Variants in WNT10A observed in about 807,000 individuals in gnomAD.
WNT10A encodes the protein protein Wnt-10a.
Under a neutral mutation model 36.1 loss-of-function variants are expected in WNT10A, and 37 were observed. The ratio of observed to expected loss-of-function variants is 1.02; its 90% CI spans 0.79 to 1.35. The LOEUF is 1.35. Among genes scored for constraint, WNT10A ranks in the 40% most tolerant of loss-of-function variants. WNT10A has a pLI of 0.00. For synonymous variants in WNT10A, 255 were observed against 254.1 expected (o/e 1.00, Z -0.03); for missense variants, 613 against 601.4 (o/e 1.02, Z -0.20).
chr2:218,882,902 C>T (rs1160791080), intron 2 of WNT10A, among the ~76,000 whole-genome samples: 1 of 152,178 alleles, frequency 6.6e-6, no homozygotes, highest in African/African-American at 2.4e-5. Flanking sequence ...AAGCTCTTCC[C>T]GGCGGGGGAC....
rs1944503212 is a variant in WNT10A, at chr2:218,880,860, C to T, written c.-136C>T. 3 of 1,109,256 alleles carry T rather than the reference C, an allele frequency of 2.7e-6. No individual in the cohort carries two copies. Among genetic ancestry groups the T allele is most frequent in the Admixed American group, 7.0e-5 (2 of 28,628 alleles). 68.7% of individuals were successfully genotyped at this position (1,109,256 alleles called of 1,614,324 possible). The stretch of plus-strand genomic sequence containing the variant: ...GCGGGGAGGCGGGCGCCGTCTGCTC[C>T]GGGAGCCCTGACCCGAGTCGGAGCT... On this transcript the variant is annotated 5_prime_UTR_variant, in exon 1 of 4. Coordinates refer to ENST00000258411, the MANE Select transcript of WNT10A (RefSeq NM_025216.3). This position sits in a 1 kb window ranked among gnomAD's most constrained non-coding sequence, Gnocchi z 7.7.
upstream of WNT10A, chr2:218,880,546 C>G (rs1271298935): frequency 5.6e-6 from 1 of 178,794 alleles, no homozygotes; most frequent in African/African-American, 2.4e-5. The surrounding 1 kb of genome is among the most constrained non-coding windows in gnomAD (Gnocchi z 7.7). Context: ...GTCACTTACT[C>G]TACAGGCAGT....
At chr2:218,879,146 A>G (rs1944480933), upstream of WNT10A, among the ~76,000 whole-genome samples, 1 of 137,576 alleles carries the variant, frequency 7.3e-6, no homozygotes, top group Non-Finnish European at 1.5e-5. Context: ...GCCGGCAGAG[A>G]TGAGGGGGAA....
intron 1 of WNT10A, 24 bp downstream of exon 1, chr2:218,881,132 C>T: frequency 6.4e-7 from 1 of 1,571,822 alleles, no homozygotes; most frequent in East Asian, 2.3e-5. Flanking sequence ...TCATGCTCCG[C>T]CCTCCTAGAG....
chr2:218,888,976 A>C (rs1326114589), intron 2 of WNT10A, among the ~76,000 whole-genome samples: 1 of 152,156 alleles, frequency 6.6e-6, no homozygotes, highest in Non-Finnish European at 1.5e-5. Flanking sequence ...GTTTGGTTAC[A>C]TGAATAAGTT....
At chr2:218,889,492 A>G (rs1944619760) in intron 2 of WNT10A, among the ~76,000 whole-genome samples, 1 of 152,164 alleles carries the variant, frequency 6.6e-6, no homozygotes, top group Admixed American at 6.5e-5. Context: ...TCTTTGAGGA[A>G]TCTCCACACT....
At position 218,890,134 on chromosome 2, in the gene WNT10A, G is replaced by T; in HGVS notation, c.527G>T (p.Arg176Leu). 1 of 1,614,162 alleles carries T rather than the reference G, an allele frequency of 6.2e-7. No individual in the cohort carries two copies. Among genetic ancestry groups the T allele is most frequent in the South Asian group, 1.1e-5 (1 of 91,080 alleles). Reference sequence around the variant, plus strand: ...GAGGCCTTCCGTAGGAAGCTGCACCGCTTACAACTGGATGCACTGCAGCGT... The same window carrying T: ...GAGGCCTTCCGTAGGAAGCTGCACCTCTTACAACTGGATGCACTGCAGCGT... ...DEEAFRRKLH[R>L]LQLDALQRGK... Residue 176 changes from arginine (R) to leucine (L), a missense_variant, in exon 3 of 4, where the codon CGC (arginine) becomes CTC (leucine). Physicochemically the swap from Arg to Leu is moderately radical, Grantham distance 102. Coordinates refer to ENST00000258411, the MANE Select transcript of WNT10A (RefSeq NM_025216.3).
intron 2 of WNT10A, among the ~76,000 whole-genome samples, chr2:218,886,133 A>G (rs1944574148): frequency 6.6e-6 from 1 of 152,096 alleles, no homozygotes; most frequent in Admixed American, 6.5e-5. Context: ...GGCCAACACT[A>G]AGTCCCGCTG....
At chr2:218,888,873 C>CT (rs1944613252) in intron 2 of WNT10A, among the ~76,000 whole-genome samples, 2 of 152,150 alleles carry the variant, frequency 1.3e-5, no homozygotes, top group African/African-American at 2.4e-5. Context: ...AATTTATTCT[C>CT]TTTTTTTCCA....
chr2:218,878,846 C>T (rs1471348155), upstream of WNT10A, among the ~76,000 whole-genome samples: 2 of 152,198 alleles, frequency 1.3e-5, no homozygotes, highest in African/African-American at 4.8e-5. This position sits in a 1 kb window ranked among gnomAD's most constrained non-coding sequence, Gnocchi z 4.1. Context: ...TTGCTGGTGT[C>T]CTCTCTCATC....
In WNT10A at chr2:218,881,450, C is replaced by T. The variant is rs140480189; in HGVS notation, c.113+342C>T. Among the ~76,000 whole-genome samples, 1,444 of 152,224 alleles carry T rather than the reference C, an allele frequency of 9.5e-3. 18 individuals are homozygous for T. The highest frequency in any genetic ancestry group is 0.015 in the Non-Finnish European group (1,049 of 68,010). On this transcript the variant is annotated intron_variant, in intron 1 of 3. Coordinates refer to ENST00000258411, the MANE Select transcript of WNT10A (RefSeq NM_025216.3). ...GTAAGCACAAGCTGCCTCACTCCTT[C>T]CTGCAGCTCAGCCCCAGGTAGGGGC...
upstream of WNT10A, among the ~76,000 whole-genome samples, chr2:218,877,703 C>T (rs896908600): frequency 2.6e-5 from 4 of 152,182 alleles, no homozygotes; most frequent in African/African-American, 4.8e-5. The surrounding 1 kb of genome is among the most constrained non-coding windows in gnomAD (Gnocchi z 4.1). Context: ...CCTGAGGCCA[C>T]GGGCTCGGGG....
the WNT10A span, among the ~76,000 whole-genome samples, chr2:218,875,150 A>G: frequency 9.4e-6 from 1 of 106,682 alleles, no homozygotes; most frequent in African/African-American, 3.2e-5. Context: ...CTTACATAAG[A>G]CTGACTTTCT....
intron 2 of WNT10A, among the ~76,000 whole-genome samples, chr2:218,883,063 C>T (rs1944536259): frequency 6.6e-6 from 1 of 152,246 alleles, no homozygotes; most frequent in Non-Finnish European, 1.5e-5. Flanking sequence ...AGAGAAGCTG[C>T]AGTCCATTCC....
At chr2:218,884,288 C>T in intron 2 of WNT10A, 1 of 149,710 alleles carries the variant, frequency 6.7e-6, no homozygotes, top group Non-Finnish European at 1.5e-5. Flanking sequence ...GGGTGCCAGG[C>T]GCTCCCGGGT....
At chr2:218,889,898 C>A (rs1452216636) in intron 2 of WNT10A, 86 bp from the exon 3 acceptor site, 6 of 1,601,598 alleles carry the variant, frequency 3.7e-6, no homozygotes, top group Non-Finnish European at 5.1e-6. Context: ...GCTTCAGTTT[C>A]TCCTTGGAAT....
chr2:218,875,712 C>T, the WNT10A span, among the ~76,000 whole-genome samples: 2 of 152,220 alleles, frequency 1.3e-5, no homozygotes, highest in African/African-American at 2.4e-5. Context: ...CACACCCTCA[C>T]AGGATTGTTG....
upstream of WNT10A, chr2:218,880,795 C>A: frequency 2.0e-6 from 1 of 492,784 alleles, no homozygotes; most frequent in Non-Finnish European, 3.5e-6. This position sits in a 1 kb window ranked among gnomAD's most constrained non-coding sequence, Gnocchi z 7.7. Context: ...TCACCCCCCG[C>A]CCCCCCCGAG....
upstream of WNT10A, among the ~76,000 whole-genome samples, chr2:218,877,130 G>C (rs1396325481): frequency 6.6e-6 from 1 of 152,206 alleles, no homozygotes; most frequent in Non-Finnish European, 1.5e-5. This position sits in a 1 kb window ranked among gnomAD's most constrained non-coding sequence, Gnocchi z 4.1. Context: ...ATTCTAGGCA[G>C]GTTAAAAGGA....
Sources: allele counts gnomAD v4.1 joint callset (sites outside exome capture counted in the v4.1 genomes callset), GRCh38; gene constraint gnomAD v4.1.1; non-coding constraint Gnocchi (gnomAD v3.1); transcripts MANE v1.5; gene names NCBI Gene and HGNC (gene_info 2026-07-23, HGNC 2026-07-21).